Variants in ESRRG observed in about 807,000 individuals in gnomAD.
ESRRG encodes estrogen-related receptor gamma.
ESRRG carries 13 observed loss-of-function variants against 44.0 expected under a neutral mutation model. The observed-to-expected ratio is 0.30, with a 90% confidence interval of 0.19 to 0.47. ESRRG has a LOEUF of 0.47. Ranked by LOEUF, ESRRG falls within the 20% of genes least tolerant of loss-of-function variation. The pLI is 1.00. For missense variants in ESRRG, 395 were observed against 580.6 expected, an observed-to-expected ratio of 0.68 and a Z score of 3.29; for synonymous variants, 215 against 214.6, an observed-to-expected ratio of 1.00 and a Z score of -0.02.
intron 2 of ESRRG, among the ~76,000 whole-genome samples, chr1:216,776,531 G>A (rs11572631): frequency 0.018 from 2,692 of 152,016 alleles, 91 homozygotes; most frequent in African/African-American, 0.06. Flanking sequence ...TGTCTTATTC[G>A]CCATTGTGTC....
intron 1 of ESRRG, among the ~76,000 whole-genome samples, chr1:217,133,631 T>TTCTTTCTTTCTCTCTC (rs1491192210): frequency 8.6e-5 from 5 of 58,450 alleles, no homozygotes; most frequent in Non-Finnish European, 1.7e-4. Context: ...CTTTCTTTCT[T>TTCTTTCTTTCTCTCTC]TCTCTCTCTC....
chr1:217,088,398 C>CTT (rs71585811), intron 1 of ESRRG, among the ~76,000 whole-genome samples: 5,029 of 59,714 alleles, frequency 0.084, 816 homozygotes, highest in African/African-American at 0.13. Context: ...TTTTTCCTGT[C>CTT]TTTTTTTTTT....
chr1:216,653,087 G>A (rs747071301), intron 2 of ESRRG, among the ~76,000 whole-genome samples: 1 of 152,080 alleles, frequency 6.6e-6, no homozygotes, highest in Non-Finnish European at 1.5e-5. Context: ...CTAGTCCTAC[G>A]CACCTTTAAC....
intron 1 of ESRRG, among the ~76,000 whole-genome samples, chr1:217,019,699 T>G (rs555161901): frequency 1.3e-5 from 2 of 152,150 alleles, no homozygotes; most frequent in Non-Finnish European, 2.9e-5. Flanking sequence ...CACTTATCAT[T>G]TTTGTCTTTA....
intron 2 of ESRRG, among the ~76,000 whole-genome samples, chr1:216,769,644 G>A (rs1015620517): frequency 6.6e-6 from 1 of 152,042 alleles, no homozygotes; most frequent in Non-Finnish European, 1.5e-5. Context: ...TCAATAGAGT[G>A]AGAAAAAATG....
At chr1:216,764,178 C>CT (rs5780920) in intron 2 of ESRRG, among the ~76,000 whole-genome samples, 87,432 of 150,056 alleles carry the variant, frequency 0.58, 26,520 homozygotes, top group African/African-American at 0.75. Context: ...CTAATTGATT[C>CT]TTTTTTTTTC....
chr1:217,059,384 C>T (rs1004722982), intron 1 of ESRRG, among the ~76,000 whole-genome samples: 10 of 151,880 alleles, frequency 6.6e-5, no homozygotes, highest in African/African-American at 2.2e-4. Flanking sequence ...AATGACCAAC[C>T]CAGTACCAAC....
chr1:216,859,921 A>T (rs2096018935), intron 2 of ESRRG, among the ~76,000 whole-genome samples: 1 of 152,170 alleles, frequency 6.6e-6, no homozygotes, highest in Admixed American at 6.5e-5. Flanking sequence ...AGTGAGAAGG[A>T]AAAAACCAAT....
chr1:216,979,260 T>G (rs994999995), intron 1 of ESRRG, among the ~76,000 whole-genome samples: 1 of 152,122 alleles, frequency 6.6e-6, no homozygotes, highest in Non-Finnish European at 1.5e-5. Flanking sequence ...AGTTAATGTG[T>G]GATTCAGGAT....
rs2042971367 is a variant in ESRRG at position 216,512,365 on chromosome 1, T to C, written c.1133-5182A>G. 2.0e-5 allele frequency among the ~76,000 whole-genome samples: 3 copies of C among 152,118 alleles called. No individual in the cohort carries two copies. The South Asian group carries it at 6.2e-4, about 32-fold the overall frequency. On this transcript the variant is annotated intron_variant, in intron 6 of 6. Coordinates refer to ENST00000408911, the MANE Select transcript of ESRRG (RefSeq NM_001438.4). ...TCAAAATCCAGACACTGGAAAACCA[T>C]GTACATCAAATGCCCTGGCATCTTC...
intron 3 of ESRRG, among the ~76,000 whole-genome samples, chr1:216,628,028 C>T (rs1157465905): frequency 6.6e-6 from 1 of 152,178 alleles, no homozygotes; most frequent in Non-Finnish European, 1.5e-5. Flanking sequence ...ATGAACTACA[C>T]AATCAACTTA....
intron 2 of ESRRG, among the ~76,000 whole-genome samples, chr1:216,780,076 TA>T (rs1334707184): frequency 2.0e-5 from 3 of 150,338 alleles, no homozygotes; most frequent in African/African-American, 2.4e-5. Flanking sequence ...GGCTGAGATC[TA>T]AAAAAAAAGA....
At chr1:216,613,781 G>A (rs1039089456) in intron 3 of ESRRG, among the ~76,000 whole-genome samples, 7 of 152,126 alleles carry the variant, frequency 4.6e-5, no homozygotes, top group South Asian at 2.1e-4. Flanking sequence ...GCCAACGTTC[G>A]AAAACTAACA....
intron 1 of ESRRG, among the ~76,000 whole-genome samples, chr1:217,080,928 C>T (rs1022086962): frequency 2.0e-5 from 3 of 151,836 alleles, no homozygotes; most frequent in Admixed American, 6.6e-5. Context: ...CCGCCCGCCT[C>T]GGCCTGCCAA....
intron 1 of ESRRG, among the ~76,000 whole-genome samples, chr1:216,983,031 GTTTTT>G (rs9308379): frequency 3.0e-4 from 40 of 133,002 alleles, no homozygotes; most frequent in Non-Finnish European, 3.2e-4. Flanking sequence ...ACTTTGAACT[GTTTTT>G]TTTTTTTTTT....
rs142163314 is a variant in ESRRG at position 216,527,471 on chromosome 1, G to A, written c.863-8050C>T. ...TACATGATAAAACTGAAACTCTCTG[G>A]TAGAACACAGAATTTCTTTCATTGT... On this transcript the variant is annotated intron_variant, in intron 5 of 6. Coordinates refer to ENST00000408911, the MANE Select transcript of ESRRG (RefSeq NM_001438.4). Among the ~76,000 whole-genome samples the A allele has an allele frequency of 6.9e-3, 1,055 of 151,970 alleles. 6 individuals are homozygous for A. Among genetic ancestry groups the A allele is most frequent in the African/African-American group, 0.024 (995 of 41,448 alleles).
intron 2 of ESRRG, among the ~76,000 whole-genome samples, chr1:216,762,835 C>A (rs1296115524): frequency 2.0e-5 from 3 of 151,842 alleles, no homozygotes; most frequent in Admixed American, 2.0e-4. Flanking sequence ...AACACTTCCC[C>A]AAAGGAAAGG....
intron 1 of ESRRG, among the ~76,000 whole-genome samples, chr1:217,129,973 G>T (rs549718544): frequency 6.6e-6 from 1 of 151,944 alleles, no homozygotes; most frequent in Non-Finnish European, 1.5e-5. Context: ...GTGATGTTAC[G>T]TGAAGTTTAC....
intron 1 of ESRRG, among the ~76,000 whole-genome samples, chr1:217,135,984 G>A (rs920681847): frequency 1.3e-5 from 2 of 152,064 alleles, no homozygotes; most frequent in Non-Finnish European, 2.9e-5. Context: ...GGGATAGATT[G>A]GGAGAGAGAG....
Sources: gnomAD v4.1 joint callset for allele counts (sites outside exome capture counted in the v4.1 genomes callset) on GRCh38, gnomAD v4.1.1 for gene constraint, MANE v1.5 for transcripts, NCBI Gene and HGNC (gene_info 2026-07-23, HGNC 2026-07-21) for gene names.